ZNF43: variants seen among roughly 807,000 people sequenced by gnomAD.
ZNF43 encodes the protein zinc finger protein 39-like 1 (KOX 27).
A neutral mutation model predicts 68.4 loss-of-function variants in ZNF43; 44 were observed. The observed-to-expected ratio is 0.64, with a 90% CI of 0.51 to 0.83. The LOEUF (loss-of-function observed/expected upper bound fraction) is 0.83. ZNF43 is among the 40% of genes least tolerant of loss of function. The probability of loss-of-function intolerance (pLI) is 0.00; values close to 1 mark genes in which losing one functional copy is unlikely to be tolerated. For missense variants in ZNF43, 896 were observed against 933.2 expected (o/e 0.96, Z 0.52); for synonymous variants, 308 against 307.8 (o/e 1.00, Z -0.01).
chr19:21,829,140 C>T (rs938464721), intron 1 of ZNF43, among the ~76,000 whole-genome samples: 1 of 150,436 alleles, frequency 6.6e-6, no homozygotes, highest in East Asian at 1.9e-4. Flanking sequence ...AGGAGAATCG[C>T]TTGAACCCAT....
At chr19:21,812,187 G>C (rs1464801033) in intron 3 of ZNF43, 1 of 359,294 alleles carries the variant, frequency 2.8e-6, no homozygotes, top group African/African-American at 2.1e-5. Flanking sequence ...AGTGCAGCGG[G>C]GCGTTCTCAG....
intron 1 of ZNF43, among the ~76,000 whole-genome samples, chr19:21,848,180 G>A (rs1041246269): frequency 1.3e-5 from 2 of 151,984 alleles, no homozygotes; most frequent in Non-Finnish European, 2.9e-5. Flanking sequence ...GTCTTGCTCT[G>A]TTGCCCAGGC....
At chr19:21,818,953 C>A in intron 2 of ZNF43, 142 bp downstream of exon 2, 1 of 1,162,458 alleles carries the variant, frequency 8.6e-7, no homozygotes, top group Non-Finnish European at 1.2e-6. Context: ...TTCTTTAGTG[C>A]GCCAACAAAT....
chr19:21,819,074 G>A, intron 2 of ZNF43, 21 bp downstream of exon 2: 2 of 1,598,956 alleles, frequency 1.3e-6, no homozygotes, highest in African/African-American at 1.4e-5. Flanking sequence ...ATTAGGAATT[G>A]AGTATTGAAG....
upstream of ZNF43, among the ~76,000 whole-genome samples, chr19:21,837,573 T>C (rs1314249084): frequency 6.6e-6 from 1 of 152,032 alleles, no homozygotes; most frequent in East Asian, 1.9e-4. Context: ...TACAGGTGCA[T>C]GACCCCATGC....
chr19:21,840,750 C>G (rs1034468627), upstream of ZNF43: 1 of 152,214 alleles, frequency 6.6e-6, no homozygotes, highest in Non-Finnish European at 1.5e-5. Flanking sequence ...ACTCTCTATA[C>G]TACCTGAGGG....
intron 1 of ZNF43, among the ~76,000 whole-genome samples, chr19:21,844,916 AAAAAAATATATATATATAT>A (rs1438869919): frequency 8.7e-6 from 1 of 115,308 alleles, no homozygotes; most frequent in Non-Finnish European, 1.7e-5. Context: ...AAAAAAAAAA[AAAAAAATATATATATATAT>A]ATATATATAT....
chr19:21,819,888 AT>A (rs1219354677), intron 1 of ZNF43, among the ~76,000 whole-genome samples: 4 of 152,132 alleles, frequency 2.6e-5, no homozygotes, highest in Non-Finnish European at 5.9e-5. Flanking sequence ...GTTTACGTAC[AT>A]CAGTTGCATA....
intron 1 of ZNF43, among the ~76,000 whole-genome samples, chr19:21,835,445 C>T (rs2038670764): frequency 6.8e-6 from 1 of 148,046 alleles, no homozygotes; most frequent in Non-Finnish European, 1.5e-5. Context: ...GCATCCTCCG[C>T]CTCCTGGGTT....
intron 3 of ZNF43, among the ~76,000 whole-genome samples, chr19:21,811,166 A>G (rs1433221673): frequency 2.0e-5 from 3 of 152,206 alleles, no homozygotes; most frequent in African/African-American, 7.2e-5. Context: ...CTAATTCAAT[A>G]TAATCTCTAC....
At chr19:21,815,555 G>T (rs2037489162) in intron 3 of ZNF43, among the ~76,000 whole-genome samples, 1 of 147,114 alleles carries the variant, frequency 6.8e-6, no homozygotes. Flanking sequence ...CAAATATTTG[G>T]GAATAAATTA....
At chr19:21,812,635 A>T (rs1364501448) in intron 3 of ZNF43, among the ~76,000 whole-genome samples, 1 of 151,452 alleles carries the variant, frequency 6.6e-6, no homozygotes, top group African/African-American at 2.4e-5. Flanking sequence ...AAAATACAAA[A>T]TCTGTTGATG....
At chr19:21,829,406 T>C (rs963187035) in intron 1 of ZNF43, among the ~76,000 whole-genome samples, 17 of 152,228 alleles carry the variant, frequency 1.1e-4, no homozygotes, top group Non-Finnish European at 1.2e-4. Flanking sequence ...GTTTTTACCA[T>C]TCTGTATTTC....
intron 1 of ZNF43, among the ~76,000 whole-genome samples, chr19:21,830,993 G>C (rs1254823397): frequency 6.6e-6 from 1 of 151,996 alleles, no homozygotes; most frequent in African/African-American, 2.4e-5. Context: ...CAGAACTAAA[G>C]ACCAAAACCA....
upstream of ZNF43, among the ~76,000 whole-genome samples, chr19:21,839,331 CAAAAAAAAAAAAA>C (rs61335194): frequency 2.1e-4 from 6 of 28,302 alleles, 1 homozygote; most frequent in Admixed American, 4.8e-4. Flanking sequence ...AGAGATCAGG[CAAAAAAAAAAAAA>C]AAAAAAAAAA....
chr19:21,826,032 G>C (rs1040952698), intron 1 of ZNF43, among the ~76,000 whole-genome samples: 3 of 152,118 alleles, frequency 2.0e-5, no homozygotes, highest in East Asian at 3.9e-4. Flanking sequence ...CTGGGCAACA[G>C]AGCAAGACTC....
Position 21,808,695 on chromosome 19 carries a change from G to C in ZNF43, c.1342C>G (p.His448Asp), listed in dbSNP as rs1207279755. ...PSTLTKHNRI[H>D]TGEKPYKCEV... is the part of the protein sequence containing the mutation. ...CATTTGTAGGGTTTCTCTCCAGTAT[G>C]AATTCTGTTATGTTTAGTAAGGGTT... is the stretch of plus-strand genomic sequence containing the variant. The change falls in exon 4 of 4, where the codon CAT (histidine) becomes GAT (aspartate). Residue 448 changes from histidine (H) to aspartate (D), a missense_variant. Coordinates refer to ENST00000354959, the MANE Select transcript of ZNF43 (RefSeq NM_003423.4). 6.2e-7 allele frequency: 1 copy of C among 1,612,988 alleles called. No individual in the cohort carries two copies.
At chr19:21,829,219 ATC>A (rs1276869549) in intron 1 of ZNF43, among the ~76,000 whole-genome samples, 1 of 151,750 alleles carries the variant, frequency 6.6e-6, no homozygotes, top group Non-Finnish European at 1.5e-5. Flanking sequence ...GTGAGACTCC[ATC>A]ACAAAGGAAA....
At chr19:21,844,040 G>A (rs1039398598) in intron 1 of ZNF43, among the ~76,000 whole-genome samples, 2 of 151,996 alleles carry the variant, frequency 1.3e-5, no homozygotes, top group Admixed American at 6.6e-5. Flanking sequence ...TGTATTACCC[G>A]AGGGCTTTAT....
Sources: allele counts gnomAD v4.1 joint callset (sites outside exome capture counted in the v4.1 genomes callset), GRCh38; gene constraint gnomAD v4.1.1; transcripts MANE v1.5; gene names NCBI Gene and HGNC (gene_info 2026-07-23, HGNC 2026-07-21).